Variants in PRSS23 observed in about 807,000 individuals in gnomAD.
PRSS23 encodes serine protease 23, also known as protease, serine 23.
PRSS23 carries 25 observed loss-of-function variants against 34.7 expected under a neutral mutation model. The observed-to-expected ratio is 0.72, with a 90% confidence interval of 0.53 to 1.01. The LOEUF (loss-of-function observed/expected upper bound fraction) is 1.01. PRSS23 is among the 50% of genes least tolerant of loss of function. The pLI, the probability that PRSS23 is intolerant of heterozygous loss-of-function variation, is 0.00. For synonymous variants in PRSS23, 176 were observed against 186.6 expected, an observed-to-expected ratio of 0.94 and a Z score of 0.46; for missense variants, 445 against 475.6, an observed-to-expected ratio of 0.94 and a Z score of 0.60.
At chr11:86,873,228 A>G (rs901669996) in intron 2 of PRSS23, among the ~76,000 whole-genome samples, 4 of 83,600 alleles carry the variant, frequency 4.8e-5, no homozygotes, top group African/African-American at 2.3e-4. Flanking sequence ...ATATATGTAT[A>G]TATATATACA....
chr11:86,937,830 TTTAA>T (rs1489148868), intron 2 of PRSS23: 2 of 152,224 alleles, frequency 1.3e-5, no homozygotes, highest in African/African-American at 4.8e-5. Context: ...TGGACTCGCC[TTTAA>T]TTCTTTCTTG....
intron 1 of PRSS23, among the ~76,000 whole-genome samples, chr11:86,803,859 C>G (rs1948068752): frequency 6.6e-6 from 1 of 152,148 alleles, no homozygotes; most frequent in South Asian, 2.1e-4. Context: ...GCAGACTGAT[C>G]AGGGAAATCT....
chr11:86,842,974 G>A (rs1437422813), intron 2 of PRSS23, among the ~76,000 whole-genome samples: 9 of 152,098 alleles, frequency 5.9e-5, no homozygotes, highest in Admixed American at 3.9e-4. Flanking sequence ...ACAATCCTAA[G>A]CAAAAAGAAC....
At chr11:86,906,503 C>T (rs1231238556) in intron 2 of PRSS23, among the ~76,000 whole-genome samples, 1 of 152,180 alleles carries the variant, frequency 6.6e-6, no homozygotes, top group Non-Finnish European at 1.5e-5. Flanking sequence ...GCGAGGTTGC[C>T]CCCCATCTAA....
At chr11:86,912,643 C>T (rs1299301017) in intron 2 of PRSS23, among the ~76,000 whole-genome samples, 1 of 151,844 alleles carries the variant, frequency 6.6e-6, no homozygotes, top group Non-Finnish European at 1.5e-5. Flanking sequence ...TTTTTAATTT[C>T]TATTTCTCTA....
intron 2 of PRSS23, among the ~76,000 whole-genome samples, chr11:86,891,503 T>C (rs1253300027): frequency 6.6e-6 from 1 of 152,194 alleles, no homozygotes; most frequent in Non-Finnish European, 1.5e-5. Context: ...CCTGGATTCC[T>C]GATGTGTTCT....
chr11:86,939,377 G>A (rs1949185975), intron 2 of PRSS23, among the ~76,000 whole-genome samples: 1 of 87,930 alleles, frequency 1.1e-5, no homozygotes, highest in African/African-American at 3.2e-5. Context: ...TTTTTCCAGT[G>A]TTCCTATTTC....
At chr11:86,862,508 G>A (rs532393486) in intron 2 of PRSS23, among the ~76,000 whole-genome samples, 72 of 151,908 alleles carry the variant, frequency 4.7e-4, no homozygotes, top group South Asian at 4.6e-3. Flanking sequence ...GATAATATTC[G>A]TAATATCCTA....
intron 2 of PRSS23, among the ~76,000 whole-genome samples, chr11:86,855,054 A>G (rs578182566): frequency 3.2e-4 from 49 of 152,206 alleles, no homozygotes; most frequent in African/African-American, 1.1e-3. Context: ...TATCCCAGCT[A>G]TTCGGGAGGC....
intron 2 of PRSS23, among the ~76,000 whole-genome samples, chr11:86,928,485 C>A (rs1160964922): frequency 6.8e-6 from 1 of 147,556 alleles, no homozygotes; most frequent in African/African-American, 2.5e-5. Flanking sequence ...ATCATCCTGG[C>A]TAACACAGTA....
chr11:86,854,063 C>T (rs542055623), intron 2 of PRSS23, among the ~76,000 whole-genome samples: 5 of 152,238 alleles, frequency 3.3e-5, no homozygotes, highest in South Asian at 2.1e-4. Flanking sequence ...TGCAGTGGCA[C>T]GATCTCGGCT....
rs566811791 is a variant in PRSS23, at chr11:86,843,155, A to C, written c.206+19562A>C. ...ATCTGATCTTTGACAAATCTGACAA[A>C]AATAAGCAATGGGGAAAGGATTCCC... On this transcript the variant is annotated intron_variant, in intron 2 of 2. Coordinates refer to the PRSS23 transcript ENST00000533902. 3.3e-3 allele frequency among the ~76,000 whole-genome samples: 504 copies of C among 152,332 alleles called. 2 individuals are homozygous for C. Among genetic ancestry groups the C allele is most frequent in the Non-Finnish European group, 5.8e-3 (392 of 68,020 alleles).
chr11:86,880,473 C>CAA (rs75178016), intron 2 of PRSS23, among the ~76,000 whole-genome samples: 3 of 150,338 alleles, frequency 2.0e-5, no homozygotes, highest in African/African-American at 7.3e-5. Flanking sequence ...AAAGATAAGC[C>CAA]AAAAAAAAAT....
chr11:86,885,194 A>C (rs1402130247), intron 2 of PRSS23, among the ~76,000 whole-genome samples: 1 of 152,232 alleles, frequency 6.6e-6, no homozygotes, highest in African/African-American at 2.4e-5. Context: ...TTCTATCACC[A>C]TCAGTGACTC....
At chr11:86,866,498 A>T (rs113151451) in intron 2 of PRSS23, among the ~76,000 whole-genome samples, 1 of 152,208 alleles carries the variant, frequency 6.6e-6, no homozygotes, top group Non-Finnish European at 1.5e-5. Context: ...TTTAAAATCC[A>T]TTCATCATCT....
At chr11:86,907,475 GT>G (rs869085019) in intron 2 of PRSS23, among the ~76,000 whole-genome samples, 3 of 131,498 alleles carry the variant, frequency 2.3e-5, no homozygotes, top group Admixed American at 1.5e-4. Flanking sequence ...ACAATTTTTT[GT>G]GTTTTTTTGA....
chr11:86,921,079 C>A (rs1400168555), intron 2 of PRSS23, among the ~76,000 whole-genome samples: 5 of 152,210 alleles, frequency 3.3e-5, no homozygotes, highest in Non-Finnish European at 7.3e-5. Flanking sequence ...CTCCGTTCAA[C>A]ATTAAATGTC....
intron 2 of PRSS23, among the ~76,000 whole-genome samples, chr11:86,827,558 C>T (rs1278936073): frequency 6.6e-6 from 1 of 152,084 alleles, no homozygotes; most frequent in African/African-American, 2.4e-5. Context: ...TTTGCTCTTC[C>T]TTTTCTAGTT....
intron 2 of PRSS23, among the ~76,000 whole-genome samples, chr11:86,868,072 A>G (rs1219313274): frequency 6.6e-6 from 1 of 151,840 alleles, no homozygotes; most frequent in Non-Finnish European, 1.5e-5. Flanking sequence ...AAGGAGGAAA[A>G]AAAAGTGAAG....
Sources: gnomAD v4.1 joint callset for allele counts (sites outside exome capture counted in the v4.1 genomes callset) on GRCh38, gnomAD v4.1.1 for gene constraint, MANE v1.5 for transcripts, NCBI Gene and HGNC (gene_info 2026-07-23, HGNC 2026-07-21) for gene names.